DCBLD2: variants seen among roughly 807,000 people sequenced by gnomAD.
The protein encoded by DCBLD2 is discoidin, CUB and LCCL domain containing 2.
Under a neutral mutation model 86.8 loss-of-function variants are expected in DCBLD2, and 54 were observed. The ratio of observed to expected loss-of-function variants is 0.62; its 90% CI spans 0.50 to 0.78. The LOEUF (loss-of-function observed/expected upper bound fraction) is 0.78. Among genes scored for constraint, DCBLD2 ranks in the 30% least tolerant of loss-of-function variants. The probability of loss-of-function intolerance (pLI) is 0.00; values close to 1 mark genes in which losing one functional copy is unlikely to be tolerated. For synonymous variants in DCBLD2, 354 were observed against 341.3 expected (o/e 1.04, Z -0.41); for missense variants, 908 against 954.2 (o/e 0.95, Z 0.64).
chr3:98,801,530 T>C (rs1941718283), intron 14 of DCBLD2, 70 bp downstream of exon 14: 1 of 1,276,830 alleles, frequency 7.8e-7, no homozygotes, highest in Non-Finnish European at 1.1e-6. Flanking sequence ...GACTCTTTTT[T>C]CACTACTGCC....
In DCBLD2 at chr3:98,799,438, C is replaced by T. The variant is rs375646330; in HGVS notation, c.2262G>A (p.Gln754=). Residue 754 remains glutamine, a synonymous_variant, in exon 16 of 16, where the codon CAG becomes CAA. Coordinates refer to ENST00000326840, the MANE Select transcript of DCBLD2 (RefSeq NM_080927.4). ...APDELVYQVP[Q]STQEVSGAGR... Reference sequence around the variant, plus strand: ...CTGCTCCTGATACTTCTTGTGTGCTCTGTGGCACCTGGTACACCAATTCGT... The same window carrying T: ...CTGCTCCTGATACTTCTTGTGTGCTTTGTGGCACCTGGTACACCAATTCGT... The T allele has an allele frequency of 6.2e-7, 1 of 1,613,980 alleles. No individual in the cohort carries two copies. Among genetic ancestry groups the T allele is most frequent in the East Asian group, 2.2e-5 (1 of 44,890 alleles).
At position 98,901,224 on chromosome 3, in the gene DCBLD2, A is replaced by G; in HGVS notation, c.103T>C (p.Ser35Pro). The G allele has an allele frequency of 6.5e-7, 1 of 1,535,202 alleles. No individual in the cohort carries two copies. The highest frequency in any genetic ancestry group is 1.2e-5 in the South Asian group (1 of 83,986). Residue 35 changes from serine (S) to proline (P), a missense_variant, in exon 1 of 16, where the codon TCC becomes CCC. By Grantham distance (74) the Ser-to-Pro change is moderately conservative. Coordinates refer to ENST00000326840, the MANE Select transcript of DCBLD2 (RefSeq NM_080927.4). Reference sequence around the variant, plus strand: ...GAGGAGTTGGAGCAGGGAGGGAGGGAGCGGGAGAGGGGGAGCGCGGCCCAG... The same window carrying G: ...GAGGAGTTGGAGCAGGGAGGGAGGGGGCGGGAGAGGGGGAGCGCGGCCCAG... ...PAWAALPLSR[S>P]LPPCSNSSSF... is the part of the protein sequence containing the mutation.
intron 13 of DCBLD2, among the ~76,000 whole-genome samples, chr3:98,802,704 C>T (rs79182679): frequency 0.31 from 46,823 of 151,920 alleles, 8,615 homozygotes; most frequent in East Asian, 0.68. Context: ...AGTCTTTAAT[C>T]CATCTTGAAT....
At chr3:98,858,456 C>A (rs999124759) in intron 2 of DCBLD2, among the ~76,000 whole-genome samples, 2 of 152,246 alleles carry the variant, frequency 1.3e-5, no homozygotes, top group Admixed American at 6.5e-5. Flanking sequence ...CGAGCGAGGC[C>A]TGCGAGGGCT....
chr3:98,863,848 T>C (rs1323164026), intron 2 of DCBLD2, among the ~76,000 whole-genome samples: 2 of 152,130 alleles, frequency 1.3e-5, no homozygotes, highest in Non-Finnish European at 2.9e-5. Context: ...AAAGCCAAAA[T>C]TGACAAATGG....
At chr3:98,899,572 G>A (rs1943813352) in intron 1 of DCBLD2, among the ~76,000 whole-genome samples, 3 of 152,234 alleles carry the variant, frequency 2.0e-5, no homozygotes, top group Admixed American at 2.0e-4. Context: ...CTAAAAACAA[G>A]GCAATCCCTC....
chr3:98,822,826 T>A, intron 4 of DCBLD2, 85 bp from the exon 5 acceptor site: 1 of 1,186,366 alleles, frequency 8.4e-7, no homozygotes, highest in Non-Finnish European at 1.2e-6. Context: ...CACAGACACA[T>A]TTTTCAGTTC....
chr3:98,866,299 T>C (rs1250807984), intron 2 of DCBLD2, among the ~76,000 whole-genome samples: 1 of 152,216 alleles, frequency 6.6e-6, no homozygotes, highest in Non-Finnish European at 1.5e-5. Context: ...TCTTCCACAA[T>C]GGTTGAACTA....
At chr3:98,814,173 G>A (rs1053179503) in intron 9 of DCBLD2, 4 of 151,998 alleles carry the variant, frequency 2.6e-5, no homozygotes, top group South Asian at 2.1e-4. Flanking sequence ...TATAAATCTC[G>A]AAAGATGTGT....
At position 98,801,285 on chromosome 3, in the gene DCBLD2, A is replaced by G. The variant is rs79371443; in HGVS notation, c.1720+315T>C. 7.3e-4 allele frequency: 240 copies of G among 330,994 alleles called. 2 individuals are homozygous for G. The East Asian group carries it at 0.011, about 16-fold the overall frequency. 20.5% of individuals were successfully genotyped at this position (330,994 alleles called of 1,614,324 possible). A position where few individuals can be genotyped will look rare whatever the true frequency, so the allele number is the denominator to read the frequency against. ...TGGAGACCACAGTCTTTTGTTTCTTACTCAGTGTTCACGTGGGCCACAGAA... is the reference window on the plus strand; with the variant it reads ...TGGAGACCACAGTCTTTTGTTTCTTGCTCAGTGTTCACGTGGGCCACAGAA... On this transcript the variant is annotated intron_variant, in intron 14 of 15. Transcript: ENST00000326840.
Position 98,901,425 on chromosome 3 carries a change from A to C in DCBLD2, c.-99T>G, listed in dbSNP as rs1209165903. ...ACCAGGAGACGGCGGCAGCGGCGGG[A>C]GAACAAGAGGCAGCCCTCGCCTCAC... On this transcript the variant is annotated 5_prime_UTR_variant, in exon 1 of 16. Transcript: ENST00000326840. The C allele has an allele frequency of 8.4e-7, 1 of 1,194,758 alleles. No individual in the cohort carries two copies. Among genetic ancestry groups the C allele is most frequent in the Non-Finnish European group, 1.1e-6 (1 of 951,552 alleles). 74.0% of individuals were successfully genotyped at this position (1,194,758 alleles called of 1,614,324 possible).
At chr3:98,879,206 T>A (rs896761249) in intron 2 of DCBLD2, among the ~76,000 whole-genome samples, 2 of 152,216 alleles carry the variant, frequency 1.3e-5, no homozygotes, top group African/African-American at 4.8e-5. Context: ...GCTTCACTAA[T>A]GTGCCCTTGT....
At chr3:98,808,646 CAA>C (rs1158475419) in intron 12 of DCBLD2, among the ~76,000 whole-genome samples, 1 of 151,938 alleles carries the variant, frequency 6.6e-6, no homozygotes, top group Non-Finnish European at 1.5e-5. Context: ...ACAACCAACA[CAA>C]AAAAAGTTAA....
At chr3:98,838,794 C>T (rs539334694) in intron 3 of DCBLD2, among the ~76,000 whole-genome samples, 3 of 152,234 alleles carry the variant, frequency 2.0e-5, no homozygotes, top group East Asian at 3.9e-4. Context: ...TCTGCAATCC[C>T]GGCACCTCGG....
In DCBLD2 at chr3:98,892,404, A is replaced by T. The variant is rs117003401; in HGVS notation, c.205+8718T>A. 5.9e-5 allele frequency among the ~76,000 whole-genome samples: 9 copies of T among 152,208 alleles called. No homozygotes were observed. The East Asian group carries it at 1.7e-3, about 29-fold the overall frequency. Reference sequence around the variant, plus strand: ...TCTGGAAGGTGCTCTGCAGTTTCCCAACAGTTTTAATATGACCTCATGCCC... The same window carrying T: ...TCTGGAAGGTGCTCTGCAGTTTCCCTACAGTTTTAATATGACCTCATGCCC... On this transcript the variant is annotated intron_variant, in intron 1 of 15. Transcript: ENST00000326840.
At chr3:98,821,787 C>T (rs1942122167) in intron 6 of DCBLD2, among the ~76,000 whole-genome samples, 3 of 152,154 alleles carry the variant, frequency 2.0e-5, no homozygotes, top group Admixed American at 1.3e-4. Flanking sequence ...GTGGGTCACG[C>T]CTGTAATCCC....
At chr3:98,858,980 G>C (rs2439217) in intron 2 of DCBLD2, among the ~76,000 whole-genome samples, 1 of 151,974 alleles carries the variant, frequency 6.6e-6, no homozygotes, top group Non-Finnish European at 1.5e-5. Flanking sequence ...CCTAGCCAAG[G>C]GAAGGGGTGA....
chr3:98,819,156 T>TA (rs1323078576), intron 8 of DCBLD2, 46 bp downstream of exon 8: 2 of 1,492,316 alleles, frequency 1.3e-6, no homozygotes, highest in African/African-American at 1.4e-5. Context: ...GTTTTTCAAA[T>TA]AAAATAAGTG....
At chr3:98,870,737 AAAAGAAAGAAAGAAAG>A (rs199615171) in intron 2 of DCBLD2, among the ~76,000 whole-genome samples, 2,735 of 69,760 alleles carry the variant, frequency 0.039, 77 homozygotes, top group African/African-American at 0.087. Context: ...AAAAGAAAGA[AAAAGAAAGAAAGAAAG>A]AAAGAAAGAA....
Sources: gnomAD v4.1 joint callset for allele counts (sites outside exome capture counted in the v4.1 genomes callset) on GRCh38, gnomAD v4.1.1 for gene constraint, MANE v1.5 for transcripts, NCBI Gene and HGNC (gene_info 2026-07-23, HGNC 2026-07-21) for gene names.